Variants in TRIM9 observed in about 807,000 individuals in gnomAD.
TRIM9 encodes the protein tripartite motif containing 9.
TRIM9 carries 26 observed loss-of-function variants against 78.3 expected under a neutral mutation model. The ratio of observed to expected loss-of-function variants is 0.33; its 90% CI spans 0.24 to 0.46. The LOEUF (loss-of-function observed/expected upper bound fraction) is 0.46, where lower values mean the gene tolerates loss of function less well. Among genes scored for constraint, TRIM9 ranks in the 20% least tolerant of loss-of-function variants. The pLI, the probability that TRIM9 is intolerant of heterozygous loss-of-function variation, is 1.00. For missense variants in TRIM9, 787 were observed against 1,036.4 expected (o/e 0.76, Z 3.30); for synonymous variants, 398 against 416.5 (o/e 0.96, Z 0.54).
At chr14:51,069,964 A>T (rs965239100) in intron 1 of TRIM9, among the ~76,000 whole-genome samples, 1 of 152,232 alleles carries the variant, frequency 6.6e-6, no homozygotes, top group African/African-American at 2.4e-5. Context: ...ATGGTCATTC[A>T]CAGAATGGCT....
intron 3 of TRIM9, among the ~76,000 whole-genome samples, chr14:51,022,175 A>G (rs1407595514): frequency 6.6e-6 from 1 of 152,188 alleles, no homozygotes. Flanking sequence ...TGTAATTGCC[A>G]TTATAAAAGT....
At chr14:51,046,251 C>T (rs555405192) in intron 1 of TRIM9, among the ~76,000 whole-genome samples, 105 of 152,068 alleles carry the variant, frequency 6.9e-4, no homozygotes, top group African/African-American at 2.4e-3. Flanking sequence ...TGGGGCTGGA[C>T]CTAGTTATTA....
chr14:50,987,212 C>T (rs2052831300), intron 7 of TRIM9, among the ~76,000 whole-genome samples: 2 of 152,174 alleles, frequency 1.3e-5, no homozygotes, highest in African/African-American at 2.4e-5. Context: ...AGGGTATTTC[C>T]GTGAATTTTT....
chr14:50,983,693 T>C (rs749069827), intron 8 of TRIM9, among the ~76,000 whole-genome samples: 1 of 152,200 alleles, frequency 6.6e-6, no homozygotes, highest in African/African-American at 2.4e-5. Context: ...AAGTTCAATC[T>C]TTTCCTCTAA....
chr14:51,024,363 T>C (rs1566589427), intron 2 of TRIM9, among the ~76,000 whole-genome samples: 1 of 152,222 alleles, frequency 6.6e-6, no homozygotes, highest in East Asian at 1.9e-4. Context: ...AAGTTTAACA[T>C]GGGCATGTGT....
At chr14:50,977,710 G>A (rs1435126445) in intron 12 of TRIM9, among the ~76,000 whole-genome samples, 1 of 152,160 alleles carries the variant, frequency 6.6e-6, no homozygotes, top group East Asian at 1.9e-4. Flanking sequence ...ATGGATAGAG[G>A]ACAGATTCGC....
intron 1 of TRIM9, chr14:51,090,977 G>T (rs1045162364): frequency 6.6e-6 from 1 of 152,170 alleles, no homozygotes; most frequent in African/African-American, 2.4e-5. Flanking sequence ...AAATCACAAA[G>T]TAATAGTAGT....
chr14:51,025,892 C>T (rs1044993644), intron 1 of TRIM9, among the ~76,000 whole-genome samples: 2 of 152,152 alleles, frequency 1.3e-5, no homozygotes, highest in African/African-American at 4.8e-5. Flanking sequence ...CATCCGTGTC[C>T]TCTTCCTTCT....
At chr14:51,037,702 T>C (rs11849278) in intron 1 of TRIM9, among the ~76,000 whole-genome samples, 30,822 of 151,970 alleles carry the variant, frequency 0.2, 3,599 homozygotes, top group Non-Finnish European at 0.26. Flanking sequence ...AGAGACTCTT[T>C]GGCTCTTTAA....
chr14:50,994,269 T>C (rs1294323227), intron 7 of TRIM9, among the ~76,000 whole-genome samples: 1 of 152,132 alleles, frequency 6.6e-6, no homozygotes, highest in Non-Finnish European at 1.5e-5. Flanking sequence ...TAGCCAGACA[T>C]GGTGGCACAT....
chr14:50,997,847 G>A (rs937693238), intron 7 of TRIM9: 18 of 1,397,936 alleles, frequency 1.3e-5, no homozygotes, highest in East Asian at 5.0e-5. Flanking sequence ...TGGAACTGCC[G>A]ATGTGGAATC....
intron 12 of TRIM9, chr14:50,978,803 A>G (rs562980515): frequency 1.4e-6 from 1 of 723,630 alleles, no homozygotes; most frequent in Admixed American, 6.3e-5. Context: ...GACACTTATA[A>G]CTGTGCCTGG....
At chr14:51,017,554 G>T (rs2057334241) in intron 3 of TRIM9, among the ~76,000 whole-genome samples, 1 of 152,246 alleles carries the variant, frequency 6.6e-6, no homozygotes, top group Non-Finnish European at 1.5e-5. Context: ...GACATTGGGA[G>T]AGAGAAGCAT....
At chr14:50,985,544 G>A (rs188530963) in intron 8 of TRIM9, among the ~76,000 whole-genome samples, 3 of 152,294 alleles carry the variant, frequency 2.0e-5, no homozygotes, top group Admixed American at 1.3e-4. Context: ...TGGATGCACT[G>A]ATCCAGTCTC....
chr14:51,018,107 T>C (rs1475015003), intron 3 of TRIM9, among the ~76,000 whole-genome samples: 1 of 152,232 alleles, frequency 6.6e-6, no homozygotes, highest in Non-Finnish European at 1.5e-5. Context: ...GCCTAATTTT[T>C]CCAAATGTCT....
intron 1 of TRIM9, among the ~76,000 whole-genome samples, chr14:51,041,831 C>T (rs755792298): frequency 3.9e-5 from 6 of 152,138 alleles, no homozygotes; most frequent in Non-Finnish European, 7.4e-5. Context: ...GTTTAATAAA[C>T]ATGTTTTCCC....
At chr14:51,041,578 T>C (rs1472885180) in intron 1 of TRIM9, among the ~76,000 whole-genome samples, 1 of 152,224 alleles carries the variant, frequency 6.6e-6, no homozygotes, top group Non-Finnish European at 1.5e-5. Context: ...GCAACATTAG[T>C]TCCTTGAAAA....
At chr14:51,053,595 A>C (rs866157386) in intron 1 of TRIM9, among the ~76,000 whole-genome samples, 1 of 82,198 alleles carries the variant, frequency 1.2e-5, no homozygotes, top group African/African-American at 5.4e-5. Context: ...TTTTTTTTTA[A>C]TTTTTTTTTT....
chr14:51,009,338 G>A (rs2056262773), intron 4 of TRIM9, 105 bp from the exon 5 acceptor site: 2 of 1,411,798 alleles, frequency 1.4e-6, no homozygotes, highest in Non-Finnish European at 1.9e-6. Context: ...CTGCCTTGAG[G>A]ACTCATACTC....
Sources: gnomAD v4.1 joint callset for allele counts (sites outside exome capture counted in the v4.1 genomes callset) on GRCh38, gnomAD v4.1.1 for gene constraint, MANE v1.5 for transcripts, NCBI Gene and HGNC (gene_info 2026-07-23, HGNC 2026-07-21) for gene names.